The following NTM variants were observed in gnomAD, a reference collection of about 807,000 sequenced individuals.
NTM encodes the protein IgLON family member 2.
Under a neutral mutation model 42.1 loss-of-function variants are expected in NTM, and 13 were observed. That is an observed-to-expected ratio of 0.31 (90% CI 0.20 to 0.49). The LOEUF is 0.49. Among genes scored for constraint, NTM ranks in the 20% least tolerant of loss-of-function variants. The pLI is 0.99. For missense variants in NTM, 373 were observed against 452.8 expected (o/e 0.82, Z 1.60); for synonymous variants, 187 against 179.2 (o/e 1.04, Z -0.35).
chr11:132,282,703 T>C (rs1273289261), intron 4 of NTM, among the ~76,000 whole-genome samples: 3 of 152,220 alleles, frequency 2.0e-5, no homozygotes, highest in African/African-American at 7.2e-5. Context: ...AAGAGGAAGA[T>C]GATTTAGAAA....
chr11:132,078,696 A>G (rs548296518), intron 2 of NTM, among the ~76,000 whole-genome samples: 1 of 152,316 alleles, frequency 6.6e-6, no homozygotes, highest in Non-Finnish European at 1.5e-5. Context: ...CATTCTGCCA[A>G]GTGCTTTTCC....
At chr11:132,194,641 A>G (rs1178112272) in intron 3 of NTM, among the ~76,000 whole-genome samples, 1 of 152,048 alleles carries the variant, frequency 6.6e-6, no homozygotes, top group African/African-American at 2.4e-5. Context: ...AGAAAGAAAT[A>G]AAAGGCATCC....
intron 1 of NTM, among the ~76,000 whole-genome samples, chr11:131,533,329 G>A (rs2051592002): frequency 6.6e-6 from 1 of 152,130 alleles, no homozygotes; most frequent in African/African-American, 2.4e-5. Context: ...AGTAAGCGTC[G>A]AGCGTGATTT....
At chr11:131,807,959 GA>G (rs1397466247) in intron 1 of NTM, among the ~76,000 whole-genome samples, 1 of 152,154 alleles carries the variant, frequency 6.6e-6, no homozygotes, top group Non-Finnish European at 1.5e-5. Context: ...GAAGGTTTGG[GA>G]AACAAAATGT....
intron 1 of NTM, among the ~76,000 whole-genome samples, chr11:131,545,840 G>A (rs550347804): frequency 1.3e-5 from 2 of 152,262 alleles, no homozygotes; most frequent in East Asian, 3.9e-4. Flanking sequence ...TTCGGCAGAG[G>A]GACCTGCAGT....
intron 1 of NTM, among the ~76,000 whole-genome samples, chr11:131,440,982 A>G (rs530082597): frequency 6.6e-6 from 1 of 151,506 alleles, no homozygotes; most frequent in Admixed American, 6.6e-5. Flanking sequence ...TCTGCTTTCC[A>G]TCCTATACAA....
At chr11:131,975,973 G>A (rs1280134350) in intron 2 of NTM, among the ~76,000 whole-genome samples, 1 of 152,142 alleles carries the variant, frequency 6.6e-6, no homozygotes, top group Non-Finnish European at 1.5e-5. Context: ...CATCAGAAGA[G>A]AGATGTCCTT....
intron 1 of NTM, among the ~76,000 whole-genome samples, chr11:131,708,010 A>C (rs550605831): frequency 6.6e-6 from 1 of 152,272 alleles, no homozygotes; most frequent in South Asian, 2.1e-4. Context: ...TACACAGAGG[A>C]AACTCTAAAG....
chr11:131,868,802 C>T (rs2047476243), intron 1 of NTM, among the ~76,000 whole-genome samples: 1 of 152,128 alleles, frequency 6.6e-6, no homozygotes, highest in Non-Finnish European at 1.5e-5. Flanking sequence ...GATCTATTTC[C>T]TGCTCTGATC....
chr11:132,268,652 G>A (rs2093329597), intron 4 of NTM, among the ~76,000 whole-genome samples: 1 of 129,318 alleles, frequency 7.7e-6, no homozygotes, highest in African/African-American at 2.9e-5. Flanking sequence ...TTTGTGGTGT[G>A]GGGTCCTCTC....
chr11:132,059,441 C>T (rs71485712), intron 2 of NTM, among the ~76,000 whole-genome samples: 16 of 152,288 alleles, frequency 1.1e-4, no homozygotes, highest in Non-Finnish European at 2.4e-4. Context: ...GAGAGCAGGG[C>T]GAGGCCTTAG....
chr11:132,043,924 C>T (rs572330806), intron 2 of NTM, among the ~76,000 whole-genome samples: 2 of 151,762 alleles, frequency 1.3e-5, no homozygotes, highest in East Asian at 3.9e-4. Context: ...GGCATTACTG[C>T]CATCTCAGCA....
chr11:132,288,079 A>G (rs1361532116), intron 4 of NTM, among the ~76,000 whole-genome samples: 1 of 152,248 alleles, frequency 6.6e-6, no homozygotes, highest in East Asian at 1.9e-4. Context: ...TATTGTGTGC[A>G]GCGCACAGAG....
chr11:131,539,672 A>T (rs540237040), intron 1 of NTM: 1 of 152,514 alleles, frequency 6.6e-6, no homozygotes, highest in South Asian at 2.1e-4. Flanking sequence ...CAGGCAAAGA[A>T]AAGGAAAGCA....
chr11:132,329,528 G>A (rs1335340983), intron 7 of NTM, among the ~76,000 whole-genome samples: 2 of 152,230 alleles, frequency 1.3e-5, no homozygotes, highest in Admixed American at 1.3e-4. Context: ...ATGAAGCCCT[G>A]TGGGACCAGC....
At chr11:131,721,996 CAAAAAAAAAAAAAAA>C in intron 1 of NTM, among the ~76,000 whole-genome samples, 1 of 10,280 alleles carries the variant, frequency 9.7e-5, no homozygotes, top group East Asian at 3.5e-3. Flanking sequence ...AACTCTGTCT[CAAAAAAAAAAAAAAA>C]AAAAAAAAAA....
chr11:132,218,474 C>T (rs1032055133), intron 4 of NTM, among the ~76,000 whole-genome samples: 2 of 152,098 alleles, frequency 1.3e-5, no homozygotes, highest in African/African-American at 2.4e-5. Context: ...ACCTGGAAGT[C>T]GCCCAAGTCT....
At chr11:131,558,308 T>C (rs1260728938) in intron 1 of NTM, among the ~76,000 whole-genome samples, 2 of 152,302 alleles carry the variant, frequency 1.3e-5, no homozygotes, top group Non-Finnish European at 2.9e-5. Flanking sequence ...ACACTCATTC[T>C]GATTAGCTTA....
chr11:131,796,067 G>A lies in NTM; in HGVS notation c.83-115497G>A, dbSNP rs895491758. 7.1e-6 allele frequency: 7 copies of A among 985,330 alleles called. 1 individual carries two copies. In the Admixed American group the frequency reaches 4.3e-4, roughly 61 times the overall value. The allele number at this position is 985,330 out of a possible 1,614,324, so 61.0% of individuals were successfully genotyped here. A position where few individuals can be genotyped will look rare whatever the true frequency, so the allele number is the denominator to read the frequency against. On this transcript the variant is annotated intron_variant, in intron 1 of 8. Transcript: ENST00000683400. ...AGGTGTAATGATCAGTGCCAAACAG[G>A]AAAGCGTAACTCACACTAGTTATTT...
Sources: gnomAD v4.1 joint callset for allele counts (sites outside exome capture counted in the v4.1 genomes callset) on GRCh38, gnomAD v4.1.1 for gene constraint, MANE v1.5 for transcripts, NCBI Gene and HGNC (gene_info 2026-07-23, HGNC 2026-07-21) for gene names.